The following NAALADL2 variants were observed in gnomAD, a reference collection of about 807,000 sequenced individuals.
NAALADL2 encodes the protein N-acetylated alpha-linked acidic dipeptidase like 2.
In NAALADL2, 76 loss-of-function variants were observed where a neutral mutation model predicts 87.2. The ratio of observed to expected loss-of-function variants is 0.87; its 90% confidence interval spans 0.72 to 1.05. NAALADL2 has a LOEUF of 1.05. NAALADL2 is among the 50% of genes least tolerant of loss of function. The pLI, the probability that NAALADL2 is intolerant of heterozygous loss-of-function variation, is 0.00. For missense variants in NAALADL2, 1,089 were observed against 945.8 expected, an observed-to-expected ratio of 1.15 and a Z score of -1.99; for synonymous variants, 354 against 331.0, an observed-to-expected ratio of 1.07 and a Z score of -0.75.
intron 4 of NAALADL2, among the ~76,000 whole-genome samples, chr3:175,317,599 TC>T (rs1403630936): frequency 1.3e-5 from 2 of 152,124 alleles, no homozygotes; most frequent in Middle Eastern, 3.4e-3. Flanking sequence ...TGTTTTACTT[TC>T]AAAAAAGTGA....
At chr3:174,930,906 G>A (rs1736798670) in intron 1 of NAALADL2, among the ~76,000 whole-genome samples, 1 of 151,932 alleles carries the variant, frequency 6.6e-6, no homozygotes. Context: ...ACAGGCATGA[G>A]CCACCACGCC....
chr3:175,739,921 C>T (rs1446322007), intron 12 of NAALADL2, among the ~76,000 whole-genome samples: 1 of 152,110 alleles, frequency 6.6e-6, no homozygotes, highest in Admixed American at 6.6e-5. Flanking sequence ...AAATAAATGT[C>T]ATAGCAGAAC....
chr3:175,480,598 A>T, intron 9 of NAALADL2, among the ~76,000 whole-genome samples: 1 of 151,928 alleles, frequency 6.6e-6, no homozygotes, highest in East Asian at 1.9e-4. Flanking sequence ...AATCTAAATG[A>T]AAGGTATTAA....
At chr3:175,396,392 T>C (rs1769790286) in intron 5 of NAALADL2, among the ~76,000 whole-genome samples, 2 of 152,212 alleles carry the variant, frequency 1.3e-5, no homozygotes, top group Admixed American at 6.5e-5. Context: ...ATTTGATAAG[T>C]AATGTTGAAT....
chr3:175,038,961 T>G (rs569988144), intron 1 of NAALADL2, among the ~76,000 whole-genome samples: 3 of 152,116 alleles, frequency 2.0e-5, no homozygotes, highest in African/African-American at 4.8e-5. Context: ...AAAAATGCTA[T>G]CTAGTCAAAC....
chr3:175,261,270 G>A (rs1750986160), intron 4 of NAALADL2, among the ~76,000 whole-genome samples: 1 of 151,662 alleles, frequency 6.6e-6, no homozygotes, highest in Non-Finnish European at 1.5e-5. Flanking sequence ...CTGCAGAATA[G>A]CACTCTAGTA....
intron 1 of NAALADL2, among the ~76,000 whole-genome samples, chr3:174,966,210 C>A (rs1056977194): frequency 6.6e-6 from 1 of 152,144 alleles, no homozygotes; most frequent in African/African-American, 2.4e-5. Flanking sequence ...AGCTCTAGGT[C>A]AAAAACTTTG....
intron 1 of NAALADL2, among the ~76,000 whole-genome samples, chr3:174,528,412 C>T (rs1464301686): frequency 6.6e-6 from 1 of 152,086 alleles, no homozygotes; most frequent in Non-Finnish European, 1.5e-5. Flanking sequence ...TGTAGATCAC[C>T]TGAGGTCAGG....
chr3:175,790,468 T>C (rs993970652), intron 13 of NAALADL2, among the ~76,000 whole-genome samples: 2 of 152,190 alleles, frequency 1.3e-5, no homozygotes, highest in Admixed American at 6.5e-5. Context: ...AAAAAGCATT[T>C]TATTTATTTT....
intron 1 of NAALADL2, among the ~76,000 whole-genome samples, chr3:174,989,195 C>G (rs1425652188): frequency 1.3e-5 from 2 of 152,196 alleles, no homozygotes; most frequent in African/African-American, 4.8e-5. Context: ...TCAAATACCT[C>G]CCATCGGGCC....
rs1010834500 is a variant in NAALADL2 at position 174,530,737 on chromosome 3, G to C, written c.-183-19832G>C. Among the ~76,000 whole-genome samples the C allele has an allele frequency of 6.6e-5, 10 of 152,124 alleles. No homozygotes were observed. The East Asian group carries it at 1.9e-3, about 29-fold the overall frequency. The stretch of plus-strand genomic sequence containing the variant: ...AGACTTATTCACCCACTGAATGGGT[G>C]AATACTTACCCCCCACCGGGTCCCT... On this transcript the variant is annotated intron_variant, in intron 1 of 3. Coordinates refer to the NAALADL2 transcript ENST00000434257.
intron 2 of NAALADL2, among the ~76,000 whole-genome samples, chr3:175,215,671 C>T (rs536503621): frequency 6.6e-6 from 1 of 152,276 alleles, no homozygotes; most frequent in East Asian, 1.9e-4. Flanking sequence ...ATTACCTGCT[C>T]ACTCCTGGAG....
chr3:174,580,720 T>G (rs930377396), intron 2 of NAALADL2, among the ~76,000 whole-genome samples: 46 of 152,142 alleles, frequency 3.0e-4, no homozygotes, highest in African/African-American at 1.0e-3. Context: ...TTAAATTGTA[T>G]GTATACCACA....
intron 3 of NAALADL2, among the ~76,000 whole-genome samples, chr3:175,241,698 C>T (rs868733345): frequency 3.3e-5 from 5 of 151,822 alleles, no homozygotes; most frequent in Non-Finnish European, 5.9e-5. Flanking sequence ...GTTTTCTACC[C>T]GTGAAAGAGA....
intron 5 of NAALADL2, among the ~76,000 whole-genome samples, chr3:175,427,358 C>T (rs1207613958): frequency 6.6e-6 from 1 of 152,136 alleles, no homozygotes; most frequent in Non-Finnish European, 1.5e-5. Context: ...AATCCCTACA[C>T]TTATGGAAAT....
chr3:175,689,970 TATACTG>T (rs1258661499), intron 11 of NAALADL2, among the ~76,000 whole-genome samples: 1 of 152,092 alleles, frequency 6.6e-6, no homozygotes, highest in Non-Finnish European at 1.5e-5. Flanking sequence ...ATTAAGCAAA[TATACTG>T]AAATGCCCTT....
chr3:175,199,633 C>T (rs1189787117), intron 2 of NAALADL2, among the ~76,000 whole-genome samples: 1 of 150,762 alleles, frequency 6.6e-6, no homozygotes, highest in African/African-American at 2.4e-5. Context: ...GGCTATGGTG[C>T]GTAGACTGCG....
chr3:175,097,773 C>T (rs909318906), intron 2 of NAALADL2, among the ~76,000 whole-genome samples: 6 of 152,084 alleles, frequency 3.9e-5, no homozygotes, highest in African/African-American at 1.2e-4. Context: ...ATTTTATTAG[C>T]ATACATGTTG....
chr3:174,476,747 GTGTCGA>G (rs565623814), intron 1 of NAALADL2, among the ~76,000 whole-genome samples: 4 of 152,044 alleles, frequency 2.6e-5, no homozygotes, highest in Non-Finnish European at 5.9e-5. Context: ...CTACCCGTCA[GTGTCGA>G]TGTTTATCCA....
Sources: allele counts gnomAD v4.1 joint callset (sites outside exome capture counted in the v4.1 genomes callset), GRCh38; gene constraint gnomAD v4.1.1; transcripts MANE v1.5; gene names NCBI Gene and HGNC (gene_info 2026-07-23, HGNC 2026-07-21).